NCR1: variants seen among roughly 807,000 people sequenced by gnomAD.
NCR1 encodes the protein natural cytotoxicity triggering receptor 1.
A neutral mutation model predicts 32.5 loss-of-function variants in NCR1; 30 were observed. That is an observed-to-expected ratio of 0.92 (90% CI 0.69 to 1.25). NCR1 has a LOEUF of 1.25. Among genes scored for constraint, NCR1 ranks in the 50% most tolerant of loss-of-function variants. The pLI, the probability that NCR1 is intolerant of heterozygous loss-of-function variation, is 0.00. For missense variants in NCR1, 369 were observed against 380.7 expected, an observed-to-expected ratio of 0.97 and a Z score of 0.26; for synonymous variants, 169 against 143.4, an observed-to-expected ratio of 1.18 and a Z score of -1.28.
chr19:54,909,790 C>T (rs756913882), intron 4 of NCR1, among the ~76,000 whole-genome samples: 3 of 151,410 alleles, frequency 2.0e-5, no homozygotes, highest in Non-Finnish European at 2.9e-5. Context: ...CAGAAATTAG[C>T]CAGACGCAGT....
the NCR1 span, among the ~76,000 whole-genome samples, chr19:54,937,802 CAGG>C: frequency 6.2e-5 from 9 of 145,942 alleles, no homozygotes; most frequent in Admixed American, 3.7e-4. Flanking sequence ...GAGGCTGAGG[CAGG>C]AGAATTGCTT....
chr19:54,937,594 A>C, the NCR1 span, among the ~76,000 whole-genome samples: 1 of 151,104 alleles, frequency 6.6e-6, no homozygotes, highest in Admixed American at 6.6e-5. Context: ...TCTGTCTCAG[A>C]AAAAATAAAA....
upstream of NCR1, among the ~76,000 whole-genome samples, chr19:54,905,730 G>GA (rs879879353): frequency 3.9e-5 from 6 of 152,074 alleles, no homozygotes; most frequent in Non-Finnish European, 8.8e-5. Flanking sequence ...TCCTCGGGGG[G>GA]AACTGGGTTT....
downstream of NCR1, among the ~76,000 whole-genome samples, chr19:54,914,552 T>C (rs2068094194): frequency 1.3e-5 from 2 of 152,052 alleles, no homozygotes; most frequent in South Asian, 4.1e-4. Flanking sequence ...TTGGCCAGAC[T>C]GGTCTTGAAC....
At chr19:54,899,273 T>C in the NCR1 span, among the ~76,000 whole-genome samples, 2,216 of 152,264 alleles carry the variant, frequency 0.015, 54 homozygotes, top group African/African-American at 0.051. Flanking sequence ...TCAAGCAGCA[T>C]TGCAGAAGAA....
chr19:54,921,491 G>T, the NCR1 span, among the ~76,000 whole-genome samples: 2 of 152,120 alleles, frequency 1.3e-5, no homozygotes, highest in Non-Finnish European at 2.9e-5. Flanking sequence ...ACTTTGTCAG[G>T]CCAGGCACAG....
chr19:54,919,412 C>G (rs1205153084), downstream of NCR1, among the ~76,000 whole-genome samples: 1 of 152,192 alleles, frequency 6.6e-6, no homozygotes, highest in Non-Finnish European at 1.5e-5. Context: ...ACAGGGGGCC[C>G]TTCCCTGCCT....
downstream of NCR1, among the ~76,000 whole-genome samples, chr19:54,913,707 A>G (rs12327854): frequency 0.13 from 19,020 of 151,146 alleles, 2,785 homozygotes; most frequent in African/African-American, 0.36. Flanking sequence ...TGAGGCGGGC[A>G]GATCACCTGA....
chr19:54,919,701 C>T (rs1285381422), downstream of NCR1, among the ~76,000 whole-genome samples: 7 of 138,812 alleles, frequency 5.0e-5, no homozygotes, highest in South Asian at 8.7e-4. Flanking sequence ...TAAACTCCCC[C>T]GGGGAAAGGG....
chr19:54,916,317 C>CTTTTTTTTTTTTT (rs71181711), downstream of NCR1, among the ~76,000 whole-genome samples: 28 of 87,090 alleles, frequency 3.2e-4, no homozygotes, highest in Middle Eastern at 6.4e-3. Context: ...GAATATTGTG[C>CTTTTTTTTTTTTT]TTTTTTTTTT....
chr19:54,912,076 C>A, intron 5 of NCR1, 92 bp from the exon 6 acceptor site: 2 of 1,126,520 alleles, frequency 1.8e-6, no homozygotes, highest in Non-Finnish European at 2.7e-6. Flanking sequence ...CCTTGTAAAG[C>A]TGCAGAACGT....
At chr19:54,937,215 CAAA>C in the NCR1 span, among the ~76,000 whole-genome samples, 1 of 77,584 alleles carries the variant, frequency 1.3e-5, no homozygotes, top group African/African-American at 4.9e-5. Flanking sequence ...GAGACTGTCT[CAAA>C]AAAAAAAAAA....
At chr19:54,912,599 C>CAAAAAAA (rs60025694) in intron 6 of NCR1, 91 bp from the exon 7 acceptor site, 24 of 375,324 alleles carry the variant, frequency 6.4e-5, no homozygotes, top group Non-Finnish European at 9.0e-5. Flanking sequence ...GGCTCTGTCT[C>CAAAAAAA]AAAAAAAAAA....
downstream of NCR1, among the ~76,000 whole-genome samples, chr19:54,914,189 G>A (rs797022156): frequency 1.2e-5 from 1 of 80,752 alleles, no homozygotes; most frequent in Non-Finnish European, 2.6e-5. Context: ...CTTTTTTTTT[G>A]TTTGTTTTGT....
rs202091591 is a variant in NCR1, at chr19:54,906,290, G to A, written c.35-9G>A. On this transcript the variant is annotated splice_polypyrimidine_tract_variant and intron_variant, in intron 1 of 6. Coordinates refer to ENST00000291890, the MANE Select transcript of NCR1 (RefSeq NM_004829.7). ...GGAGGCAACAGGTCTCATTACTCCC[G>A]TCTTCCAGGGCTGTGTCTGAGTCAG... The A allele has an allele frequency of 1.1e-5, 18 of 1,614,118 alleles. No homozygotes were observed. Among genetic ancestry groups the A allele is most frequent in the Admixed American group, 6.7e-5 (4 of 60,016 alleles).
the NCR1 span, among the ~76,000 whole-genome samples, chr19:54,930,190 G>A: frequency 6.6e-6 from 1 of 151,730 alleles, no homozygotes; most frequent in Admixed American, 6.6e-5. Flanking sequence ...AATGAGGCCA[G>A]GCATGATGGC....
At chr19:54,910,335 G>A (rs941818072) in intron 5 of NCR1, among the ~76,000 whole-genome samples, 19 of 152,064 alleles carry the variant, frequency 1.2e-4, no homozygotes, top group Non-Finnish European at 2.8e-4. Context: ...ACTTCGGGAG[G>A]CCAAGGTGGT....
chr19:54,903,533 T>C (rs182901198), upstream of NCR1, among the ~76,000 whole-genome samples: 1,152 of 147,204 alleles, frequency 7.8e-3, 50 homozygotes, highest in Non-Finnish European at 0.014. Context: ...TATACATATA[T>C]ATGCATGTAT....
the NCR1 span, among the ~76,000 whole-genome samples, chr19:54,934,152 A>G: frequency 6.6e-6 from 1 of 152,210 alleles, no homozygotes; most frequent in Non-Finnish European, 1.5e-5. This position sits in a 1 kb window ranked among gnomAD's most constrained non-coding sequence, Gnocchi z 6.7. Context: ...CATGTTAGCC[A>G]GGATGGTCTC....
Sources: gnomAD v4.1 joint callset for allele counts (sites outside exome capture counted in the v4.1 genomes callset) on GRCh38, gnomAD v4.1.1 for gene constraint, Gnocchi (gnomAD v3.1) non-coding constraint, MANE v1.5 for transcripts, NCBI Gene and HGNC (gene_info 2026-07-23, HGNC 2026-07-21) for gene names.